The following ECPAS variants were observed in gnomAD, a reference collection of about 807,000 sequenced individuals.
ECPAS encodes the protein Ecm29 proteasome adaptor and scaffold.
In ECPAS, 70 loss-of-function variants were observed where a neutral mutation model predicts 255.1. That is an observed-to-expected ratio of 0.27 (90% CI 0.23 to 0.33). The LOEUF is 0.33. ECPAS is among the 10% of genes least tolerant of loss of function. The pLI, the probability that ECPAS is intolerant of heterozygous loss-of-function variation, is 1.00. For missense variants in ECPAS, 1,817 were observed against 2,206.4 expected (o/e 0.82, Z 3.54); for synonymous variants, 784 against 775.0 (o/e 1.01, Z -0.19).
At chr9:111,411,951 T>C in intron 21 of ECPAS, 63 bp downstream of exon 21, 6 of 1,391,988 alleles carry the variant, frequency 4.3e-6, no homozygotes, top group Non-Finnish European at 5.7e-6. Context: ...AAGTCAAAAA[T>C]AAGTTAGATC....
At chr9:111,431,809 T>G (rs529439719) in intron 8 of ECPAS, among the ~76,000 whole-genome samples, 1 of 152,220 alleles carries the variant, frequency 6.6e-6, no homozygotes, top group African/African-American at 2.4e-5. Context: ...TAAATATGCT[T>G]CTTCTTAGAA....
rs575315465 is a variant in ECPAS at position 111,436,632 on chromosome 9, A to G, written c.708+308T>C. ...CCTATAATTAAAAAATTAAAATTAC[A>G]AAAGTTAAAAAATAAAAAAAAATAA... On this transcript the variant is annotated intron_variant, in intron 7 of 49. Coordinates refer to ENST00000684092, the MANE Select transcript of ECPAS (RefSeq NM_001364929.1). Among the ~76,000 whole-genome samples the G allele has an allele frequency of 2.6e-5, 4 of 152,346 alleles. No homozygotes were observed. The South Asian group carries it at 6.2e-4, about 24-fold the overall frequency.
Position 111,455,662 on chromosome 9 carries a change from G to A in ECPAS, c.23-4107C>T, listed in dbSNP as rs76625650. The stretch of plus-strand genomic sequence containing the variant: ...CTGAACATCAGCTTCCCTTCAGGGC[G>A]GAATTTTGGTACATTTTAGGAAGAA... On this transcript the variant is annotated intron_variant, in intron 2 of 49. Coordinates refer to ENST00000684092, the MANE Select transcript of ECPAS (RefSeq NM_001364929.1). Among the ~76,000 whole-genome samples, 353 of 152,256 alleles carry A rather than the reference G, an allele frequency of 2.3e-3. 1 individual carries two copies. The highest frequency in any genetic ancestry group is 3.9e-3 in the Non-Finnish European group (265 of 68,010).
chr9:111,384,589 G>C lies in ECPAS; in HGVS notation c.3634-20C>G. 6.2e-7 allele frequency: 1 copy of C among 1,611,606 alleles called. No homozygotes were observed. Among genetic ancestry groups the C allele is most frequent in the Non-Finnish European group, 8.5e-7 (1 of 1,177,932 alleles). ...AGATTCCTAAAAATGACAAAAGTGTGACATCATACAAGTTAGAGAGTTTCA... is the reference window on the plus strand; with the variant it reads ...AGATTCCTAAAAATGACAAAAGTGTCACATCATACAAGTTAGAGAGTTTCA... On this transcript the variant is annotated intron_variant, in intron 33 of 49. Transcript: ENST00000684092.
rs537479440 is a variant in ECPAS, at chr9:111,387,667, G to A, written c.3448-1211C>T. Among the ~76,000 whole-genome samples, 564 of 151,974 alleles carry A rather than the reference G, an allele frequency of 3.7e-3. 2 individuals are homozygous for A. The highest frequency in any genetic ancestry group is 0.013 in the African/African-American group (547 of 41,388). On this transcript the variant is annotated intron_variant, in intron 31 of 49. Coordinates refer to ENST00000684092, the MANE Select transcript of ECPAS (RefSeq NM_001364929.1). ...CTCACTCATCATCAGTGCAGTTACT[G>A]AGGGACAGAGTCTCACTCATCGTCA...
At chr9:111,473,539 C>G (rs1271974432) in intron 1 of ECPAS, among the ~76,000 whole-genome samples, 1 of 152,186 alleles carries the variant, frequency 6.6e-6, no homozygotes, top group East Asian at 1.9e-4. Flanking sequence ...TCCCAGTCAG[C>G]TGACTGTGAA....
intron 4 of ECPAS, among the ~76,000 whole-genome samples, chr9:111,443,696 G>A (rs1377449469): frequency 6.6e-6 from 1 of 152,102 alleles, no homozygotes. Flanking sequence ...AACAGACATG[G>A]ACAAAATGAC....
intron 16 of ECPAS, 31 bp from the exon 17 acceptor site, chr9:111,418,037 A>G: frequency 6.5e-7 from 1 of 1,549,900 alleles, no homozygotes. Flanking sequence ...AGAATAAAAA[A>G]TAAATGTCAC....
At chr9:111,381,911 G>A (rs185230403) in intron 35 of ECPAS, among the ~76,000 whole-genome samples, 9 of 150,186 alleles carry the variant, frequency 6.0e-5, no homozygotes, top group Admixed American at 4.6e-4. Context: ...TTTCTTCTTC[G>A]TCCTCTTTGA....
chr9:111,458,883 T>C (rs2098270023), intron 2 of ECPAS, among the ~76,000 whole-genome samples: 1 of 152,172 alleles, frequency 6.6e-6, no homozygotes, highest in African/African-American at 2.4e-5. Flanking sequence ...TTTGGCTGGT[T>C]TTAACTTGCA....
intron 2 of ECPAS, among the ~76,000 whole-genome samples, chr9:111,463,354 T>C (rs1230637893): frequency 6.6e-6 from 1 of 152,210 alleles, no homozygotes; most frequent in East Asian, 1.9e-4. Context: ...GAACTAGAAA[T>C]ATCTGGTAAA....
At chr9:111,366,096 G>A in intron 48 of ECPAS, 143 bp downstream of exon 48, 3 of 582,056 alleles carry the variant, frequency 5.2e-6, no homozygotes, top group Non-Finnish European at 9.1e-6. Context: ...CAGTTAAGGG[G>A]TACACATGGA....
chr9:111,467,174 A>G (rs2098280592), intron 2 of ECPAS, among the ~76,000 whole-genome samples: 1 of 152,156 alleles, frequency 6.6e-6, no homozygotes, highest in Non-Finnish European at 1.5e-5. Context: ...CATCATTATT[A>G]ATGGAAAAAG....
intron 24 of ECPAS, among the ~76,000 whole-genome samples, chr9:111,398,868 T>C (rs1338096610): frequency 1.3e-5 from 2 of 151,358 alleles, no homozygotes; most frequent in Non-Finnish European, 2.9e-5. Flanking sequence ...ACTCAGGAGG[T>C]GGAGGTTGCA....
chr9:111,366,414 C>G, intron 47 of ECPAS, 87 bp from the exon 48 acceptor site: 1 of 1,272,436 alleles, frequency 7.9e-7, no homozygotes, highest in Non-Finnish European at 1.1e-6. Context: ...CTGTATGTAT[C>G]ACTGTCACTT....
At chr9:111,439,453 GA>G (rs2098242775) in intron 6 of ECPAS, among the ~76,000 whole-genome samples, 1 of 152,014 alleles carries the variant, frequency 6.6e-6, no homozygotes, top group African/African-American at 2.4e-5. Flanking sequence ...ATTTTTTGTA[GA>G]AATAGGATTT....
intron 37 of ECPAS, 99 bp downstream of exon 37, chr9:111,376,377 C>G: frequency 1.1e-6 from 1 of 939,296 alleles, no homozygotes; most frequent in Non-Finnish European, 1.7e-6. Context: ...TTGACTCATC[C>G]CATAAGTCTC....
chr9:111,429,468 C>T (rs2098226644), intron 9 of ECPAS, among the ~76,000 whole-genome samples: 3 of 152,206 alleles, frequency 2.0e-5, no homozygotes, highest in Admixed American at 2.0e-4. Context: ...GGTCCATGGA[C>T]CACACTGTGA....
intron 12 of ECPAS, 137 bp downstream of exon 12, chr9:111,425,281 T>C: frequency 3.5e-6 from 2 of 569,550 alleles, no homozygotes; most frequent in South Asian, 7.6e-5. Flanking sequence ...CTGAAATTTG[T>C]ACTATTTCAA....
Sources: gnomAD v4.1 joint callset for allele counts (sites outside exome capture counted in the v4.1 genomes callset) on GRCh38, gnomAD v4.1.1 for gene constraint, MANE v1.5 for transcripts, NCBI Gene and HGNC (gene_info 2026-07-23, HGNC 2026-07-21) for gene names.